The following CELF2 variants were observed in gnomAD, a reference collection of about 807,000 sequenced individuals.
The protein encoded by CELF2 is CUGBP Elav-like family member 2, also known as CUG triplet repeat RNA-binding protein 2.
CELF2 carries 8 observed loss-of-function variants against 62.6 expected under a neutral mutation model. That is an observed-to-expected ratio of 0.13 (90% CI 0.07 to 0.23). The LOEUF is 0.23. Among genes scored for constraint, CELF2 ranks in the 10% least tolerant of loss-of-function variants. The pLI, the probability that CELF2 is intolerant of heterozygous loss-of-function variation, is 1.00. For synonymous variants in CELF2, 258 were observed against 250.0 expected, an observed-to-expected ratio of 1.03 and a Z score of -0.30; for missense variants, 333 against 671.0, an observed-to-expected ratio of 0.50 and a Z score of 5.56.
chr10:10,600,225 C>T, the CELF2 span, among the ~76,000 whole-genome samples: 1 of 152,188 alleles, frequency 6.6e-6, no homozygotes, highest in Admixed American at 6.5e-5. Flanking sequence ...GATTGGACTG[C>T]GTGGGCGTTT....
intron 2 of CELF2, among the ~76,000 whole-genome samples, chr10:11,175,276 A>G (rs1363632129): frequency 1.3e-5 from 2 of 152,164 alleles, no homozygotes; most frequent in Non-Finnish European, 2.9e-5. Context: ...GTGAGCCCAC[A>G]TGGAAAGGTC....
the CELF2 span, among the ~76,000 whole-genome samples, chr10:10,653,887 T>C: frequency 6.6e-6 from 1 of 150,886 alleles, no homozygotes. Flanking sequence ...TTGAAGGAAA[T>C]AGAGACACAA....
chr10:10,737,580 C>A, the CELF2 span, among the ~76,000 whole-genome samples: 1 of 152,082 alleles, frequency 6.6e-6, no homozygotes, highest in African/African-American at 2.4e-5. Context: ...TGGAAAGCCT[C>A]CAGCAAGGGG....
At position 11,242,477 on chromosome 10, in the gene CELF2, G is replaced by A. The variant is rs1268722734; in HGVS notation, c.355-6676G>A. Among the ~76,000 whole-genome samples the A allele has an allele frequency of 1.3e-5, 2 of 152,174 alleles. No individual in the cohort carries two copies. Among genetic ancestry groups the A allele is most frequent in the Non-Finnish European group, 2.9e-5 (2 of 68,020 alleles). On this transcript the variant is annotated intron_variant, in intron 3 of 12. Transcript: ENST00000633077. The surrounding 1 kb of genome is among the most constrained non-coding windows in gnomAD (Gnocchi z 4.8). ...GGGCTTCAGAGAGCCCCACGAGGTT[G>A]TGTCCATAGTGGCGACTCTGGAGAG... is the stretch of plus-strand genomic sequence containing the variant.
intron 9 of CELF2, among the ~76,000 whole-genome samples, chr10:11,289,176 G>C (rs1400010947): frequency 6.6e-6 from 1 of 151,900 alleles, no homozygotes; most frequent in Non-Finnish European, 1.5e-5. Context: ...TTGAGGTTTT[G>C]TTTTGTTTTT....
At chr10:10,509,701 T>A in the CELF2 span, among the ~76,000 whole-genome samples, 1 of 152,162 alleles carries the variant, frequency 6.6e-6, no homozygotes, top group Non-Finnish European at 1.5e-5. Context: ...TCTGCTGCCA[T>A]CTCTTGTCAA....
At chr10:10,913,829 G>GGGAA (rs1261588643) in intron 1 of CELF2, among the ~76,000 whole-genome samples, 1,472 of 138,744 alleles carry the variant, frequency 0.011, 29 homozygotes, top group African/African-American at 0.038. Context: ...AAGGGAGGGA[G>GGGAA]GGAAGGAAGG....
chr10:10,637,853 TA>T, the CELF2 span, among the ~76,000 whole-genome samples: 2 of 152,146 alleles, frequency 1.3e-5, no homozygotes, highest in Non-Finnish European at 2.9e-5. Flanking sequence ...CACATCTGAA[TA>T]GGGGTTAAGT....
chr10:10,852,144 T>A (rs1273517184), intron 1 of CELF2, among the ~76,000 whole-genome samples: 1 of 152,254 alleles, frequency 6.6e-6, no homozygotes, highest in African/African-American at 2.4e-5. Context: ...CAAATATGTA[T>A]ATAGTATATC....
chr10:11,148,345 C>T (rs1033852479), intron 1 of CELF2, among the ~76,000 whole-genome samples: 9 of 152,154 alleles, frequency 5.9e-5, no homozygotes, highest in African/African-American at 2.2e-4. Flanking sequence ...CAGCGTGTAA[C>T]GGAAGGCATT....
intron 7 of CELF2, among the ~76,000 whole-genome samples, chr10:11,271,100 T>C (rs1336342867): frequency 6.6e-6 from 1 of 152,230 alleles, no homozygotes; most frequent in Admixed American, 6.5e-5. Flanking sequence ...TTAGAAGACA[T>C]GCAGCTGATG....
chr10:11,247,607 C>T lies in CELF2; in HGVS notation c.355-1546C>T, dbSNP rs976921079. Among the ~76,000 whole-genome samples, 4 of 151,864 alleles carry T rather than the reference C, an allele frequency of 2.6e-5. No individual in the cohort carries two copies. The highest frequency in any genetic ancestry group is 7.3e-5 in the African/African-American group (3 of 41,296). ...CATCCTATGCCCGCCATCCCATGCC[C>T]GCCATCCCACCCCTGCCACACTGAG... On this transcript the variant is annotated intron_variant, in intron 3 of 12. Coordinates refer to ENST00000633077, the MANE Select transcript of CELF2 (RefSeq NM_001326342.2). This position sits in a 1 kb window ranked among gnomAD's most constrained non-coding sequence, Gnocchi z 5.4.
At chr10:10,559,248 T>C in the CELF2 span, among the ~76,000 whole-genome samples, 1 of 152,208 alleles carries the variant, frequency 6.6e-6, no homozygotes, top group Non-Finnish European at 1.5e-5. Flanking sequence ...TCACTGGTGA[T>C]GTGAAGAATT....
At chr10:10,845,331 C>CAA (rs35114307) in intron 1 of CELF2, among the ~76,000 whole-genome samples, 362 of 122,026 alleles carry the variant, frequency 3.0e-3, no homozygotes, top group Admixed American at 9.5e-3. Context: ...TTCATTGCTC[C>CAA]AAAAAAAAAA....
the CELF2 span, among the ~76,000 whole-genome samples, chr10:10,739,954 T>G: frequency 1.3e-4 from 20 of 152,126 alleles, no homozygotes; most frequent in African/African-American, 4.8e-4. Flanking sequence ...TTTGTTATTT[T>G]TATTTGTTGT....
chr10:11,288,095 C>T (rs187641721), intron 8 of CELF2, among the ~76,000 whole-genome samples: 2 of 152,376 alleles, frequency 1.3e-5, no homozygotes, highest in East Asian at 3.9e-4. Context: ...CTTATCTCTA[C>T]AGCATGGCAG....
the CELF2 span, among the ~76,000 whole-genome samples, chr10:10,603,786 C>CAT: frequency 2.0e-5 from 3 of 147,580 alleles, no homozygotes; most frequent in African/African-American, 7.4e-5. Flanking sequence ...TTTACACATA[C>CAT]ACACACACAC....
chr10:11,092,402 G>A (rs2048559506), intron 1 of CELF2: 1 of 152,120 alleles, frequency 6.6e-6, no homozygotes, highest in Non-Finnish European at 1.5e-5. Flanking sequence ...GGCACTGTAG[G>A]GGAGAAAACA....
At chr10:11,060,972 A>G (rs1014348840) in intron 1 of CELF2, among the ~76,000 whole-genome samples, 1 of 152,146 alleles carries the variant, frequency 6.6e-6, no homozygotes, top group African/African-American at 2.4e-5. Flanking sequence ...TCAATTTCCT[A>G]ATTGAAATCA....
Sources: allele counts gnomAD v4.1 joint callset (sites outside exome capture counted in the v4.1 genomes callset), GRCh38; gene constraint gnomAD v4.1.1; non-coding constraint Gnocchi (gnomAD v3.1); transcripts MANE v1.5; gene names NCBI Gene and HGNC (gene_info 2026-07-23, HGNC 2026-07-21).